B3GLCT: variants seen among roughly 807,000 people sequenced by gnomAD.
The protein encoded by B3GLCT is beta 3-glucosyltransferase.
In B3GLCT, 65 loss-of-function variants were observed where a neutral mutation model predicts 63.4. The ratio of observed to expected loss-of-function variants is 1.03; its 90% CI spans 0.84 to 1.26. The LOEUF (loss-of-function observed/expected upper bound fraction) is 1.26. Among genes scored for constraint, B3GLCT ranks in the 50% most tolerant of loss-of-function variants. The pLI is 0.00. For missense variants in B3GLCT, 577 were observed against 604.8 expected, an observed-to-expected ratio of 0.95 and a Z score of 0.48; for synonymous variants, 233 against 219.2, an observed-to-expected ratio of 1.06 and a Z score of -0.55.
At chr13:31,266,846 C>T (rs779598712) in intron 7 of B3GLCT, among the ~76,000 whole-genome samples, 3 of 152,208 alleles carry the variant, frequency 2.0e-5, no homozygotes, top group Non-Finnish European at 4.4e-5. Flanking sequence ...TCTTGGCTCA[C>T]TGCAACCTCT....
chr13:31,300,637 G>T (rs1409137603), intron 12 of B3GLCT, among the ~76,000 whole-genome samples: 1 of 152,158 alleles, frequency 6.6e-6, no homozygotes, highest in Non-Finnish European at 1.5e-5. Context: ...TTTGGTTGGG[G>T]ACCACAGGAC....
intron 8 of B3GLCT, among the ~76,000 whole-genome samples, chr13:31,273,543 T>C (rs530842828): frequency 1.3e-4 from 20 of 152,380 alleles, no homozygotes; most frequent in African/African-American, 4.6e-4. Flanking sequence ...CTGAAGTTTT[T>C]TGAGTCTGAT....
chr13:31,201,220 A>G (rs1868651538), intron 1 of B3GLCT, among the ~76,000 whole-genome samples: 1 of 152,158 alleles, frequency 6.6e-6, no homozygotes, highest in Non-Finnish European at 1.5e-5. Flanking sequence ...GTTATTGCGC[A>G]CTGCTCTTGT....
chr13:31,308,558 C>T (rs1357682358), intron 12 of B3GLCT, among the ~76,000 whole-genome samples: 1 of 151,992 alleles, frequency 6.6e-6, no homozygotes, highest in African/African-American at 2.4e-5. Context: ...GGATTATGTA[C>T]ACCCATGTGC....
At chr13:31,204,034 T>C (rs564674410) in intron 1 of B3GLCT, among the ~76,000 whole-genome samples, 1 of 152,366 alleles carries the variant, frequency 6.6e-6, no homozygotes, top group South Asian at 2.1e-4. Flanking sequence ...CTAGTCTGTC[T>C]CTACCCTTGG....
chr13:31,203,824 A>G (rs951596029), intron 1 of B3GLCT, among the ~76,000 whole-genome samples: 4 of 152,200 alleles, frequency 2.6e-5, no homozygotes, highest in Non-Finnish European at 4.4e-5. Flanking sequence ...CTTCCTTACT[A>G]CCATGATTTC....
chr13:31,269,647 C>T (rs574283895), intron 8 of B3GLCT, among the ~76,000 whole-genome samples: 2 of 149,958 alleles, frequency 1.3e-5, no homozygotes, highest in South Asian at 4.3e-4. Context: ...GTCCCCGCCC[C>T]CCTAATTCAT....
intron 11 of B3GLCT, 54 bp downstream of exon 11, chr13:31,284,815 C>A: frequency 9.8e-7 from 1 of 1,022,320 alleles, no homozygotes; most frequent in Non-Finnish European, 1.6e-6. Context: ...TCTGTAAATA[C>A]AGTAAATTAG....
intron 9 of B3GLCT, among the ~76,000 whole-genome samples, chr13:31,275,903 G>C (rs1023820785): frequency 3.3e-5 from 5 of 152,160 alleles, no homozygotes; most frequent in Admixed American, 6.6e-5. Context: ...ATGCTTGCTT[G>C]CTCTTTCAGT....
chr13:31,235,669 T>A (rs1331663232), intron 4 of B3GLCT, among the ~76,000 whole-genome samples: 1 of 152,160 alleles, frequency 6.6e-6, no homozygotes, highest in East Asian at 1.9e-4. Context: ...GCACCACCAC[T>A]GTTATTATTT....
chr13:31,316,407 T>TTATATATATA (rs71099949), intron 12 of B3GLCT, among the ~76,000 whole-genome samples: 778 of 40,678 alleles, frequency 0.019, 119 homozygotes, highest in Non-Finnish European at 0.03. Flanking sequence ...TTTGGAGGTT[T>TTATATATATA]TATATATATA....
At chr13:31,281,041 C>T (rs1235421656) in intron 10 of B3GLCT, among the ~76,000 whole-genome samples, 2 of 152,172 alleles carry the variant, frequency 1.3e-5, no homozygotes, top group Non-Finnish European at 2.9e-5. Flanking sequence ...CACTGTGTGA[C>T]CTGAGCTGTC....
chr13:31,229,396 G>A (rs866719504), intron 4 of B3GLCT, 102 bp downstream of exon 4: 5 of 770,492 alleles, frequency 6.5e-6, no homozygotes, highest in Non-Finnish European at 1.2e-5. Flanking sequence ...TTATTTAGAC[G>A]AGAATAACTC....
At chr13:31,213,860 C>A (rs1462969887) in intron 1 of B3GLCT, among the ~76,000 whole-genome samples, 2 of 151,972 alleles carry the variant, frequency 1.3e-5, no homozygotes, top group Non-Finnish European at 2.9e-5. Flanking sequence ...AAATTGTTCA[C>A]ATAGAGGTTC....
At chr13:31,296,259 C>T (rs1873938155) in intron 12 of B3GLCT, among the ~76,000 whole-genome samples, 1 of 152,220 alleles carries the variant, frequency 6.6e-6, no homozygotes, top group African/African-American at 2.4e-5. Context: ...TCCTATTTGG[C>T]CATCTTGCCA....
chr13:31,275,957 T>G (rs1166068418), intron 9 of B3GLCT, among the ~76,000 whole-genome samples: 1 of 152,190 alleles, frequency 6.6e-6, no homozygotes, highest in Non-Finnish European at 1.5e-5. Context: ...TGTAGTTAGA[T>G]GTCACTATAA....
At position 31,321,607 on chromosome 13, in the gene B3GLCT, G is replaced by A. The variant is rs186158433; in HGVS notation, c.1185-2144G>A. 3.3e-5 allele frequency among the ~76,000 whole-genome samples: 5 copies of A among 152,240 alleles called. No homozygotes were observed. In the East Asian group the frequency reaches 7.7e-4, roughly 23 times the overall value. On this transcript the variant is annotated intron_variant, in intron 13 of 14. Transcript: ENST00000343307. ...AATTAATTTCTTGTTTTCTGATGGC[G>A]GGTCACAGTCCAGTAAGTTTTTGAA...
At chr13:31,238,280 C>T (rs930203324) in intron 4 of B3GLCT, among the ~76,000 whole-genome samples, 2 of 152,140 alleles carry the variant, frequency 1.3e-5, no homozygotes, top group East Asian at 1.9e-4. Context: ...AAAGAAAGAG[C>T]GTAAACTAAC....
At chr13:31,256,372 A>C (rs1390549119) in intron 6 of B3GLCT, among the ~76,000 whole-genome samples, 1 of 152,216 alleles carries the variant, frequency 6.6e-6, no homozygotes, top group African/African-American at 2.4e-5. Context: ...CAGTGTGGCG[A>C]TTCCTCAAGG....
Sources: gnomAD v4.1 joint callset for allele counts (sites outside exome capture counted in the v4.1 genomes callset) on GRCh38, gnomAD v4.1.1 for gene constraint, MANE v1.5 for transcripts, NCBI Gene and HGNC (gene_info 2026-07-23, HGNC 2026-07-21) for gene names.